GPR107: variants seen among roughly 807,000 people sequenced by gnomAD.
GPR107 encodes G protein-coupled receptor 107.
GPR107 carries 31 observed loss-of-function variants against 75.5 expected under a neutral mutation model. That is an observed-to-expected ratio of 0.41 (90% CI 0.31 to 0.55). GPR107 has a LOEUF of 0.55. Among genes scored for constraint, GPR107 ranks in the 20% least tolerant of loss-of-function variants. The pLI is 0.26. For synonymous variants in GPR107, 267 were observed against 251.3 expected, an observed-to-expected ratio of 1.06 and a Z score of -0.59; for missense variants, 572 against 665.7, an observed-to-expected ratio of 0.86 and a Z score of 1.55.
intron 9 of GPR107, among the ~76,000 whole-genome samples, chr9:130,093,749 G>A (rs906791667): frequency 1.3e-5 from 2 of 152,068 alleles, no homozygotes; most frequent in Non-Finnish European, 2.9e-5. Context: ...GGGAAGCCAA[G>A]GCAGGAGGAT....
At chr9:130,101,310 C>T in intron 12 of GPR107, 87 bp downstream of exon 12, 1 of 749,362 alleles carries the variant, frequency 1.3e-6, no homozygotes, top group Non-Finnish European at 2.4e-6. Context: ...GAGGGAGTCA[C>T]CTCACCCTGA....
chr9:130,126,470 C>T (rs534854774), intron 15 of GPR107, among the ~76,000 whole-genome samples: 6 of 151,882 alleles, frequency 4.0e-5, no homozygotes, highest in African/African-American at 1.4e-4. Context: ...CTCAGCCTCC[C>T]GAGTAGCTGG....
chr9:130,121,024 G>A (rs1831534029), intron 14 of GPR107: 1 of 152,188 alleles, frequency 6.6e-6, no homozygotes, highest in Non-Finnish European at 1.5e-5. Context: ...GGGCAACGTA[G>A]TGAGACCCTG....
intron 6 of GPR107, 144 bp downstream of exon 6, chr9:130,083,746 A>G: frequency 4.5e-6 from 2 of 443,680 alleles, no homozygotes; most frequent in Non-Finnish European, 8.1e-6. Context: ...CTTGGTGACC[A>G]CAGGGGATTG....
At position 130,135,786 on chromosome 9, in the gene GPR107, G is replaced by C. The variant is rs1831943166; in HGVS notation, c.*665G>C. ...TTCTTTCCAACAGGAAAAGAAGGCTGTGATGTCGCTGTCAGGATCATGCCC... is the reference window on the plus strand; with the variant it reads ...TTCTTTCCAACAGGAAAAGAAGGCTCTGATGTCGCTGTCAGGATCATGCCC... On this transcript the variant is annotated 3_prime_UTR_variant, in exon 18 of 18. Coordinates refer to ENST00000347136, the MANE Select transcript of GPR107 (RefSeq NM_020960.5). 6.6e-6 allele frequency: 1 copy of C among 152,308 alleles called. No homozygotes were observed. Among genetic ancestry groups the C allele is most frequent in the Admixed American group, 6.5e-5 (1 of 15,284 alleles). The allele number at this position is 152,308 out of a possible 1,614,324, so 9.4% of individuals were successfully genotyped here.
rs1021730119 is a variant in GPR107 at position 130,138,826 on chromosome 9, C to A, written c.*3705C>A. On this transcript the variant is annotated 3_prime_UTR_variant, in exon 18 of 18. Coordinates refer to ENST00000347136, the MANE Select transcript of GPR107 (RefSeq NM_020960.5). ...AAACAGTCTACTCCAGGCATCCAGT[C>A]CTTACAGACCAAGGAAGAGCATAGC... The A allele has an allele frequency of 2.7e-4, 41 of 152,300 alleles. No homozygotes were observed. Among genetic ancestry groups the A allele is most frequent in the African/African-American group, 9.1e-4 (38 of 41,552 alleles). 9.4% of individuals were successfully genotyped at this position (152,300 alleles called of 1,614,324 possible). A position where few individuals can be genotyped will look rare whatever the true frequency, so the allele number is the denominator to read the frequency against.
chr9:130,089,092 C>T (rs545297279), intron 7 of GPR107, among the ~76,000 whole-genome samples: 135 of 152,158 alleles, frequency 8.9e-4, no homozygotes, highest in African/African-American at 3.2e-3. Context: ...ATTGCTTGAA[C>T]CCGGGAGGCT....
intron 1 of GPR107, among the ~76,000 whole-genome samples, chr9:130,060,143 A>C (rs1589477761): frequency 6.6e-6 from 1 of 151,052 alleles, no homozygotes; most frequent in African/African-American, 2.4e-5. Flanking sequence ...GCTCATTGCA[A>C]CCTCCGCCTC....
chr9:130,070,247 C>T (rs1256048057), intron 1 of GPR107, among the ~76,000 whole-genome samples: 23 of 150,046 alleles, frequency 1.5e-4, no homozygotes, highest in Non-Finnish European at 8.9e-5. Context: ...AGTGATCCTT[C>T]TGCATTAGCC....
chr9:130,115,531 G>A (rs1368788544), intron 14 of GPR107, among the ~76,000 whole-genome samples: 4 of 151,796 alleles, frequency 2.6e-5, no homozygotes, highest in African/African-American at 9.7e-5. Context: ...TCGGGAAGAC[G>A]AGGTAGGTGG....
chr9:130,054,433 C>T (rs924220262), intron 1 of GPR107, among the ~76,000 whole-genome samples: 7 of 152,218 alleles, frequency 4.6e-5, no homozygotes, highest in African/African-American at 1.7e-4. Context: ...TTTATGCTGG[C>T]TTTCCTTGTC....
At chr9:130,124,269 G>A (rs1321959572) in intron 14 of GPR107, among the ~76,000 whole-genome samples, 1 of 152,184 alleles carries the variant, frequency 6.6e-6, no homozygotes, top group Admixed American at 6.5e-5. Flanking sequence ...AGGGAGCCAG[G>A]CTTCCCTCTA....
At chr9:130,085,903 A>T (rs2132580978) in intron 6 of GPR107, among the ~76,000 whole-genome samples, 1 of 151,928 alleles carries the variant, frequency 6.6e-6, no homozygotes. Flanking sequence ...GACACGCACC[A>T]CCACGCCTGG....
Position 130,060,640 on chromosome 9 carries a change from A to G in GPR107, c.141+6567A>G, listed in dbSNP as rs79840117. Among the ~76,000 whole-genome samples the G allele has an allele frequency of 3.2e-4, 48 of 152,198 alleles. 1 individual carries two copies. The East Asian group carries it at 8.9e-3, about 28-fold the overall frequency. On this transcript the variant is annotated intron_variant, in intron 1 of 17. Transcript: ENST00000347136. The stretch of plus-strand genomic sequence containing the variant: ...ATATGATTTTTATATTGTGTTAAAA[A>G]CACAATATTTTGATGACTGATCATT...
chr9:130,121,589 A>C (rs767030467), intron 14 of GPR107, among the ~76,000 whole-genome samples: 8 of 152,128 alleles, frequency 5.3e-5, no homozygotes, highest in Non-Finnish European at 1.0e-4. Flanking sequence ...CTTCCCTGAT[A>C]TGTGCAGCTC....
chr9:130,084,993 A>G (rs576280739), intron 6 of GPR107, among the ~76,000 whole-genome samples: 2 of 152,156 alleles, frequency 1.3e-5, no homozygotes, highest in Non-Finnish European at 2.9e-5. Context: ...ACAAATGCTG[A>G]GCACTGGCTC....
chr9:130,134,774 T>A (rs1423312481), intron 17 of GPR107, among the ~76,000 whole-genome samples: 2 of 152,248 alleles, frequency 1.3e-5, no homozygotes, highest in Non-Finnish European at 2.9e-5. Flanking sequence ...GTTTATTGAT[T>A]AGGCACTCTG....
chr9:130,085,427 T>C (rs542138510), intron 6 of GPR107, among the ~76,000 whole-genome samples: 2 of 152,212 alleles, frequency 1.3e-5, no homozygotes, highest in Non-Finnish European at 2.9e-5. Context: ...TGATGTTTTG[T>C]CTTAACAGCT....
intron 1 of GPR107, among the ~76,000 whole-genome samples, chr9:130,059,323 A>G (rs1402518086): frequency 1.3e-5 from 2 of 152,114 alleles, no homozygotes; most frequent in African/African-American, 4.8e-5. Flanking sequence ...CCCTGTCTCT[A>G]CTAAAAATAC....
Sources: allele counts gnomAD v4.1 joint callset (sites outside exome capture counted in the v4.1 genomes callset), GRCh38; gene constraint gnomAD v4.1.1; transcripts MANE v1.5; gene names NCBI Gene and HGNC (gene_info 2026-07-23, HGNC 2026-07-21).